The following ADAM18 variants were observed in gnomAD, a reference collection of about 807,000 sequenced individuals.
ADAM18 encodes the protein ADAM metallopeptidase domain 18.
A neutral mutation model predicts 94.4 loss-of-function variants in ADAM18; 117 were observed. The observed-to-expected ratio is 1.24, with a 90% confidence interval of 1.07 to 1.45. ADAM18 has a LOEUF of 1.45. Ranked by LOEUF, ADAM18 falls within the 40% of genes most tolerant of loss-of-function variation. The pLI, the probability that ADAM18 is intolerant of heterozygous loss-of-function variation, is 0.00. For synonymous variants in ADAM18, 327 were observed against 291.6 expected (o/e 1.12, Z -1.24); for missense variants, 936 against 880.0 (o/e 1.06, Z -0.81).
At chr8:39,696,086 T>C (rs951494735) in intron 17 of ADAM18, among the ~76,000 whole-genome samples, 2 of 151,446 alleles carry the variant, frequency 1.3e-5, no homozygotes, top group Admixed American at 1.3e-4. Flanking sequence ...ATAATAACCA[T>C]CTTAATAGTT....
intron 6 of ADAM18, among the ~76,000 whole-genome samples, chr8:39,628,741 A>T (rs1361336245): frequency 6.6e-6 from 1 of 152,072 alleles, no homozygotes; most frequent in Non-Finnish European, 1.5e-5. Context: ...TTATCAATAA[A>T]GTGTTAAATG....
intron 12 of ADAM18, among the ~76,000 whole-genome samples, chr8:39,655,303 G>T (rs1820655909): frequency 1.3e-5 from 2 of 152,108 alleles, no homozygotes; most frequent in Admixed American, 1.3e-4. Flanking sequence ...CCCAGTGTAT[G>T]TTGTTGGATA....
At chr8:39,649,929 G>T (rs1466631947) in intron 12 of ADAM18, among the ~76,000 whole-genome samples, 1 of 152,104 alleles carries the variant, frequency 6.6e-6, no homozygotes, top group African/African-American at 2.4e-5. Flanking sequence ...AAGTTTTATT[G>T]AAATACAGCC....
In ADAM18 at chr8:39,584,587, T is replaced by C; in HGVS notation, c.-36T>C. ...GAGCTCAACGCTGCTCAACGGTCTC[T>C]GTCCTTGGCTGTGGCTCCTGCGCTC... On this transcript the variant is annotated 5_prime_UTR_variant, in exon 1 of 20. Transcript: ENST00000265707. The C allele has an allele frequency of 2.5e-6, 4 of 1,610,150 alleles. No individual in the cohort carries two copies. The highest frequency in any genetic ancestry group is 3.4e-6 in the Non-Finnish European group (4 of 1,179,676).
At chr8:39,655,668 G>A (rs189434783) in intron 12 of ADAM18, among the ~76,000 whole-genome samples, 4 of 152,052 alleles carry the variant, frequency 2.6e-5, no homozygotes, top group East Asian at 3.9e-4. Context: ...AAAAGAAAAT[G>A]CATAATAGTT....
At chr8:39,715,435 T>TAAAGA (rs989319730) in intron 18 of ADAM18, among the ~76,000 whole-genome samples, 1 of 123,826 alleles carries the variant, frequency 8.1e-6, no homozygotes, top group East Asian at 2.5e-4. Context: ...AAATCCAAAA[T>TAAAGA]AAAGAAAAGA....
At chr8:39,595,768 C>T (rs1261883161) in intron 2 of ADAM18, among the ~76,000 whole-genome samples, 1 of 152,190 alleles carries the variant, frequency 6.6e-6, no homozygotes, top group Non-Finnish European at 1.5e-5. Flanking sequence ...AAGTGATCCA[C>T]CCACCTCGGC....
At chr8:39,683,955 A>C (rs1821537437) in intron 16 of ADAM18, among the ~76,000 whole-genome samples, 1 of 152,092 alleles carries the variant, frequency 6.6e-6, no homozygotes, top group Non-Finnish European at 1.5e-5. Context: ...TGGGAAACAT[A>C]GCGAGAACTT....
chr8:39,602,180 C>T (rs527377363), intron 2 of ADAM18, among the ~76,000 whole-genome samples: 23 of 152,184 alleles, frequency 1.5e-4, no homozygotes, highest in African/African-American at 5.1e-4. Flanking sequence ...TGGATGCATA[C>T]CCCACAGTGA....
rs374443439 is a variant in ADAM18 at position 39,729,897 on chromosome 8, G to C, written c.2178-1G>C. On this transcript the variant is annotated splice_acceptor_variant, in intron 19 of 19. Coordinates refer to ENST00000265707, the MANE Select transcript of ADAM18 (RefSeq NM_014237.3). LOFTEE classifies it high-confidence loss of function. ...ATTTTTTCTGTTTTTCTTCACTATA[G>C]TAATTCATCCGTTGTATCAGAAAGC... 1.1e-5 allele frequency: 17 copies of C among 1,612,774 alleles called. No homozygotes were observed. In the African/African-American group the frequency reaches 2.3e-4, roughly 22 times the overall value.
chr8:39,648,536 C>T lies in ADAM18; in HGVS notation c.1230+9C>T. 6.3e-7 allele frequency: 1 copy of T among 1,584,546 alleles called. No individual in the cohort carries two copies. Among genetic ancestry groups the T allele is most frequent in the East Asian group, 2.3e-5 (1 of 44,270 alleles). Reference sequence around the variant, plus strand: ...ACTGTGGTAATAAAAATGTGAGTAACAAAGATTGAAACTCGAGCACAATTT... The same window carrying T: ...ACTGTGGTAATAAAAATGTGAGTAATAAAGATTGAAACTCGAGCACAATTT... On this transcript the variant is annotated intron_variant, in intron 12 of 19. Coordinates refer to ENST00000265707, the MANE Select transcript of ADAM18 (RefSeq NM_014237.3).
At chr8:39,704,165 A>C (rs970678685) in intron 17 of ADAM18, among the ~76,000 whole-genome samples, 1 of 152,158 alleles carries the variant, frequency 6.6e-6, no homozygotes, top group African/African-American at 2.4e-5. Context: ...TACTGAAACT[A>C]TTCCATAAAA....
intron 14 of ADAM18, among the ~76,000 whole-genome samples, chr8:39,671,324 C>G (rs1214177480): frequency 6.6e-6 from 1 of 152,106 alleles, no homozygotes; most frequent in Non-Finnish European, 1.5e-5. Context: ...ATTAATGGGG[C>G]AAATAGTAAC....
chr8:39,671,701 G>A (rs142878761), intron 14 of ADAM18, among the ~76,000 whole-genome samples: 9 of 152,150 alleles, frequency 5.9e-5, no homozygotes, highest in East Asian at 1.9e-4. Flanking sequence ...TTCCTCCCCC[G>A]TCCCTCTTCA....
At chr8:39,667,745 T>A (rs1012871176) in intron 13 of ADAM18, among the ~76,000 whole-genome samples, 2 of 152,154 alleles carry the variant, frequency 1.3e-5, no homozygotes, top group East Asian at 3.9e-4. Context: ...TATTTCAAAA[T>A]GTAGAGCACA....
chr8:39,611,239 G>A (rs1421807447), intron 6 of ADAM18: 1 of 530,888 alleles, frequency 1.9e-6, no homozygotes, highest in Non-Finnish European at 2.4e-6. Flanking sequence ...GGAATTCCTT[G>A]GACAAAATGA....
chr8:39,712,202 T>C (rs1319536781), intron 18 of ADAM18, among the ~76,000 whole-genome samples: 1 of 152,104 alleles, frequency 6.6e-6, no homozygotes, highest in East Asian at 1.9e-4. Context: ...ACCACGATTA[T>C]CTCAATAGAT....
Position 39,729,995 on chromosome 8 carries a change from A to C in ADAM18, c.*55A>C. The C allele has an allele frequency of 6.5e-7, 1 of 1,546,256 alleles. No individual in the cohort carries two copies. The highest frequency in any genetic ancestry group is 1.1e-5 in the South Asian group (1 of 89,440). On this transcript the variant is annotated 3_prime_UTR_variant, in exon 20 of 20. Transcript: ENST00000265707. ...CTAAAGGAACGAATGTGCTTTATTT[A>C]TAACCTTACGTTATCCCCAATGCAT...
In ADAM18 at chr8:39,683,932, T is replaced by C. The variant is rs548109910; in HGVS notation, c.1821+3706T>C. Among the ~76,000 whole-genome samples, 15 of 151,960 alleles carry C rather than the reference T, an allele frequency of 9.9e-5. No homozygotes were observed. The South Asian group carries it at 2.9e-3, about 30-fold the overall frequency. The stretch of plus-strand genomic sequence containing the variant: ...TGGGAGGATCAGTTGAGCTCAGGAG[T>C]TCAAGACCTGCCTGGGAAACATAGC... On this transcript the variant is annotated intron_variant, in intron 16 of 19. Transcript: ENST00000265707.
Sources: gnomAD v4.1 joint callset for allele counts (sites outside exome capture counted in the v4.1 genomes callset) on GRCh38, gnomAD v4.1.1 for gene constraint, MANE v1.5 for transcripts, NCBI Gene and HGNC (gene_info 2026-07-23, HGNC 2026-07-21) for gene names.